NFIA: variants seen among roughly 807,000 people sequenced by gnomAD.
NFIA encodes the protein nuclear factor 1 A-type.
In NFIA, 8 loss-of-function variants were observed where a neutral mutation model predicts 62.8. The observed-to-expected ratio is 0.13, with a 90% CI of 0.07 to 0.23. The LOEUF is 0.23. Ranked by LOEUF, NFIA falls within the 10% of genes least tolerant of loss-of-function variation. NFIA has a pLI of 1.00. For synonymous variants in NFIA, 235 were observed against 238.1 expected, an observed-to-expected ratio of 0.99 and a Z score of 0.12; for missense variants, 410 against 642.1, an observed-to-expected ratio of 0.64 and a Z score of 3.91.
intron 2 of NFIA, among the ~76,000 whole-genome samples, chr1:61,168,750 C>T (rs1463076393): frequency 2.0e-5 from 3 of 152,166 alleles, no homozygotes; most frequent in South Asian, 2.1e-4. Flanking sequence ...AAATTAAGCC[C>T]TGGCTATAGC....
chr1:61,445,005 G>A (rs550432488), intron 10 of NFIA, among the ~76,000 whole-genome samples: 86 of 152,284 alleles, frequency 5.6e-4, no homozygotes, highest in African/African-American at 2.0e-3. Context: ...CTACCAAGTG[G>A]AATTTATCCG....
chr1:61,234,512 A>G (rs542547612), intron 2 of NFIA, among the ~76,000 whole-genome samples: 23 of 152,094 alleles, frequency 1.5e-4, no homozygotes, highest in South Asian at 1.0e-3. Context: ...GTGAGCTCTG[A>G]AAGTTTGTTC....
intron 2 of NFIA, among the ~76,000 whole-genome samples, chr1:61,173,371 G>A (rs1478441090): frequency 1.3e-5 from 2 of 152,054 alleles, no homozygotes; most frequent in Non-Finnish European, 2.9e-5. Context: ...CTCCTTGCTT[G>A]AGATTTATTT....
At chr1:61,145,519 G>A (rs1309095400) in intron 2 of NFIA, among the ~76,000 whole-genome samples, 3 of 152,136 alleles carry the variant, frequency 2.0e-5, no homozygotes, top group Admixed American at 6.5e-5. Flanking sequence ...GCCAAGCATC[G>A]TCCTAGGTGC....
chr1:61,115,605 G>T (rs1026865937), intron 2 of NFIA, among the ~76,000 whole-genome samples: 1 of 152,312 alleles, frequency 6.6e-6, no homozygotes, highest in East Asian at 1.9e-4. Flanking sequence ...TTCTGGACAC[G>T]GCACGTGGAG....
At chr1:61,302,173 C>T (rs1160080955) in intron 3 of NFIA, among the ~76,000 whole-genome samples, 1 of 152,106 alleles carries the variant, frequency 6.6e-6, no homozygotes, top group Admixed American at 6.6e-5. Context: ...TGGGCTAGGA[C>T]CTGTAACATC....
chr1:61,109,053 G>A (rs1646651858), intron 2 of NFIA, among the ~76,000 whole-genome samples: 1 of 151,664 alleles, frequency 6.6e-6, no homozygotes, highest in African/African-American at 2.4e-5. Flanking sequence ...GTTTTGATTT[G>A]AACTATAGAA....
rs535330476 is a variant in NFIA, at chr1:61,455,656, CT to C, written c.*337del. On this transcript the variant is annotated 3_prime_UTR_variant, in exon 11 of 11. Transcript: ENST00000403491. ...GCTAGCGGAGGACTACCCTTGCTCACTGACTTCCTGTTGTAACACACTTTCC... is the reference window on the plus strand; with the variant it reads ...GCTAGCGGAGGACTACCCTTGCTCACGACTTCCTGTTGTAACACACTTTCC... 130 of 380,152 alleles carry C rather than the reference CT, an allele frequency of 3.4e-4. 1 individual carries two copies. The highest frequency in any genetic ancestry group is 2.5e-3 in the African/African-American group (121 of 47,770). The allele number at this position is 380,152 out of a possible 1,614,324, so 23.5% of individuals were successfully genotyped here.
chr1:61,434,024 C>T (rs1219729291), intron 10 of NFIA, among the ~76,000 whole-genome samples: 1 of 152,198 alleles, frequency 6.6e-6, no homozygotes, highest in African/African-American at 2.4e-5. Flanking sequence ...CACTGAGCAT[C>T]AACCTTACAG....
At chr1:61,448,849 G>C (rs766907708) in intron 10 of NFIA, among the ~76,000 whole-genome samples, 3 of 152,216 alleles carry the variant, frequency 2.0e-5, no homozygotes, top group Non-Finnish European at 4.4e-5. Context: ...GGTGGTAAGA[G>C]AGACACTAGG....
chr1:61,112,329 G>A (rs904064938), intron 2 of NFIA, among the ~76,000 whole-genome samples: 1 of 151,958 alleles, frequency 6.6e-6, no homozygotes, highest in Non-Finnish European at 1.5e-5. Context: ...ATGATAACAA[G>A]AAATTAAAAT....
chr1:61,237,330 C>T (rs1252893592), intron 2 of NFIA, among the ~76,000 whole-genome samples: 1 of 152,168 alleles, frequency 6.6e-6, no homozygotes, highest in Non-Finnish European at 1.5e-5. Flanking sequence ...TGTTTGGTTA[C>T]ATGAGTAAGT....
chr1:61,362,138 G>C (rs1663330949), intron 6 of NFIA, among the ~76,000 whole-genome samples: 1 of 151,866 alleles, frequency 6.6e-6, no homozygotes, highest in East Asian at 1.9e-4. Context: ...GTCCTTTTTG[G>C]GGATTTTCCA....
At chr1:61,367,328 A>G (rs1663642451) in intron 6 of NFIA, among the ~76,000 whole-genome samples, 1 of 152,214 alleles carries the variant, frequency 6.6e-6, no homozygotes, top group Non-Finnish European at 1.5e-5. Context: ...TGCTTTGATC[A>G]TGGACACTCC....
Position 61,134,245 on chromosome 1 carries a change from A to AGTGTGTGTGTGT in NFIA, c.559+45596_559+45607dup, listed in dbSNP as rs61677972. On this transcript the variant is annotated intron_variant, in intron 2 of 10. Coordinates refer to ENST00000403491, the MANE Select transcript of NFIA (RefSeq NM_001134673.4). ...GGGTGCTTTACAGACTGTGTGTGTG[A>AGTGTGTGTGTGT]GTGTGTGTGTGTGTGTGTGTGTGTG... is the stretch of plus-strand genomic sequence containing the variant. 2.0e-4 allele frequency among the ~76,000 whole-genome samples: 30 copies of AGTGTGTGTGTGT among 146,408 alleles called. No individual in the cohort carries two copies. The East Asian group carries it at 4.4e-3, about 22-fold the overall frequency.
chr1:61,170,067 G>A (rs534817255), intron 2 of NFIA, among the ~76,000 whole-genome samples: 2 of 152,216 alleles, frequency 1.3e-5, no homozygotes, highest in Admixed American at 1.3e-4. Context: ...ATTAGCACAG[G>A]TCAGGCAGTC....
chr1:61,136,538 A>G (rs1056790312), intron 2 of NFIA, among the ~76,000 whole-genome samples: 10 of 152,204 alleles, frequency 6.6e-5, no homozygotes, highest in Non-Finnish European at 1.0e-4. Context: ...TCTAACGCCT[A>G]TGAGAGGCAA....
chr1:61,137,869 T>C (rs2100500064), intron 2 of NFIA, among the ~76,000 whole-genome samples: 1 of 152,332 alleles, frequency 6.6e-6, no homozygotes, highest in Admixed American at 6.5e-5. Context: ...ATGTTGTTTA[T>C]GCATTAATTA....
intron 4 of NFIA, among the ~76,000 whole-genome samples, chr1:61,350,045 C>T (rs910945923): frequency 6.6e-6 from 1 of 152,140 alleles, no homozygotes; most frequent in Non-Finnish European, 1.5e-5. Context: ...TCAGGCGCCC[C>T]CCACCCTTTC....
Sources: allele counts gnomAD v4.1 joint callset (sites outside exome capture counted in the v4.1 genomes callset), GRCh38; gene constraint gnomAD v4.1.1; transcripts MANE v1.5; gene names NCBI Gene and HGNC (gene_info 2026-07-23, HGNC 2026-07-21).